Variants in KCNIP4 observed in about 807,000 individuals in gnomAD.
The protein encoded by KCNIP4 is potassium voltage-gated channel interacting protein 4.
Under a neutral mutation model 34.0 loss-of-function variants are expected in KCNIP4, and 12 were observed. The observed-to-expected ratio is 0.35, with a 90% CI of 0.23 to 0.57. The LOEUF (loss-of-function observed/expected upper bound fraction) is 0.57. KCNIP4 is among the 20% of genes least tolerant of loss of function. The pLI is 0.83. For missense variants in KCNIP4, 238 were observed against 311.7 expected (o/e 0.76, Z 1.78); for synonymous variants, 124 against 102.2 (o/e 1.21, Z -1.29).
At chr4:21,708,041 T>A (rs2109072254) in intron 1 of KCNIP4, among the ~76,000 whole-genome samples, 1 of 152,006 alleles carries the variant, frequency 6.6e-6, no homozygotes, top group South Asian at 2.1e-4. Context: ...CTTTGGTGGG[T>A]CATTTAGAAT....
chr4:21,447,763 C>T (rs923244719), intron 1 of KCNIP4, among the ~76,000 whole-genome samples: 1 of 151,972 alleles, frequency 6.6e-6, no homozygotes, highest in Admixed American at 6.6e-5. Context: ...TGTACTCACC[C>T]TTTTTTTCTT....
At chr4:20,917,344 G>T (rs374605968) in intron 1 of KCNIP4, among the ~76,000 whole-genome samples, 1 of 151,420 alleles carries the variant, frequency 6.6e-6, no homozygotes, top group South Asian at 2.1e-4. Flanking sequence ...TATATTTTTT[G>T]AATGACTCTT....
chr4:20,808,152 C>T (rs905854473), intron 3 of KCNIP4, among the ~76,000 whole-genome samples: 16 of 152,006 alleles, frequency 1.1e-4, no homozygotes, highest in Non-Finnish European at 2.2e-4. Context: ...GAGTAGATAC[C>T]CTGCTACACA....
intron 1 of KCNIP4, among the ~76,000 whole-genome samples, chr4:20,884,175 A>C (rs1230681344): frequency 1.3e-5 from 2 of 152,232 alleles, no homozygotes; most frequent in Admixed American, 1.3e-4. Flanking sequence ...TATCTAAAGA[A>C]GACTTGATTC....
chr4:21,729,143 T>C (rs1364524967), intron 1 of KCNIP4, among the ~76,000 whole-genome samples: 1 of 152,086 alleles, frequency 6.6e-6, no homozygotes, highest in Non-Finnish European at 1.5e-5. Context: ...TTCTACAGGG[T>C]TTTCCCTACC....
Position 20,833,769 on chromosome 4 carries a change from A to G in KCNIP4, c.288+16774T>C, listed in dbSNP as rs145962306. On this transcript the variant is annotated intron_variant, in intron 3 of 8. Transcript: ENST00000382152. ...TTAATACACTCATAAATGTCCTTCA[A>G]AAATGTTTCTAAGGGCCCTGCAGAC... Among the ~76,000 whole-genome samples, 7 of 152,324 alleles carry G rather than the reference A, an allele frequency of 4.6e-5. No homozygotes were observed. The East Asian group carries it at 1.4e-3, about 29-fold the overall frequency.
intron 1 of KCNIP4, among the ~76,000 whole-genome samples, chr4:21,107,921 A>G (rs6835754): frequency 1 from 150,550 of 151,296 alleles, 74,927 homozygotes; most frequent in East Asian, 1. Flanking sequence ...AATGTTGAAT[A>G]TTGCCCCCCA....
intron 1 of KCNIP4, among the ~76,000 whole-genome samples, chr4:21,037,361 C>T (rs538805050): frequency 6.6e-6 from 1 of 152,240 alleles, no homozygotes; most frequent in African/African-American, 2.4e-5. Context: ...TAGTAAGTGC[C>T]CTGCATAGGT....
intron 1 of KCNIP4, among the ~76,000 whole-genome samples, chr4:21,281,148 G>A (rs1007124901): frequency 2.7e-5 from 4 of 147,904 alleles, no homozygotes; most frequent in African/African-American, 7.6e-5. Flanking sequence ...GTGCAGTGGC[G>A]CGATCTTGGC....
At chr4:21,215,779 A>C (rs1314087054) in intron 1 of KCNIP4, among the ~76,000 whole-genome samples, 1 of 152,146 alleles carries the variant, frequency 6.6e-6, no homozygotes, top group Non-Finnish European at 1.5e-5. Flanking sequence ...TAAAGGTTAA[A>C]GTCTATGACC....
chr4:21,111,401 A>G (rs920170556), intron 1 of KCNIP4, among the ~76,000 whole-genome samples: 1 of 152,232 alleles, frequency 6.6e-6, no homozygotes, highest in African/African-American at 2.4e-5. Context: ...AGTAGGAAGT[A>G]AGGGAGCAAT....
At chr4:21,303,993 A>G in intron 1 of KCNIP4, 1 of 1,443,968 alleles carries the variant, frequency 6.9e-7, no homozygotes, top group Non-Finnish European at 9.2e-7. Flanking sequence ...CTACATTAAG[A>G]AGGCTACTGC....
intron 1 of KCNIP4, among the ~76,000 whole-genome samples, chr4:21,353,629 C>A (rs984241404): frequency 6.6e-6 from 1 of 152,042 alleles, no homozygotes; most frequent in Non-Finnish European, 1.5e-5. Flanking sequence ...ACAAAGCCTC[C>A]AAGAAATATG....
At chr4:21,872,808 G>C (rs1295630145) in intron 1 of KCNIP4, among the ~76,000 whole-genome samples, 2 of 152,166 alleles carry the variant, frequency 1.3e-5, no homozygotes, top group African/African-American at 4.8e-5. Context: ...AGGTTGTAAA[G>C]CTTCATTATT....
At chr4:21,772,563 A>C (rs1474525647) in intron 1 of KCNIP4, among the ~76,000 whole-genome samples, 1 of 151,902 alleles carries the variant, frequency 6.6e-6, no homozygotes, top group East Asian at 1.9e-4. Flanking sequence ...CTGGGCTTTT[A>C]TTTGGTTGGT....
intron 1 of KCNIP4, among the ~76,000 whole-genome samples, chr4:21,871,105 G>GTT (rs761518398): frequency 1.4e-5 from 2 of 144,972 alleles, no homozygotes; most frequent in Non-Finnish European, 3.0e-5. Context: ...CAAGAGCCCA[G>GTT]TTTTTTTTTT....
chr4:21,278,375 C>G (rs755274247), intron 1 of KCNIP4, among the ~76,000 whole-genome samples: 2 of 152,036 alleles, frequency 1.3e-5, no homozygotes, highest in Non-Finnish European at 2.9e-5. Context: ...CCAGTAGGCC[C>G]CAGTGTCTAT....
At chr4:21,693,021 G>A (rs1418407288) in intron 1 of KCNIP4, among the ~76,000 whole-genome samples, 3 of 151,792 alleles carry the variant, frequency 2.0e-5, no homozygotes, top group Non-Finnish European at 4.4e-5. Flanking sequence ...TCATCTCCAG[G>A]GAGAAAGAAG....
At chr4:21,416,623 G>T (rs773048270) in intron 1 of KCNIP4, among the ~76,000 whole-genome samples, 10 of 152,172 alleles carry the variant, frequency 6.6e-5, no homozygotes, top group Non-Finnish European at 2.9e-5. Flanking sequence ...AATGAAATGA[G>T]AATTAAACAC....
Sources: gnomAD v4.1 joint callset for allele counts (sites outside exome capture counted in the v4.1 genomes callset) on GRCh38, gnomAD v4.1.1 for gene constraint, MANE v1.5 for transcripts, NCBI Gene and HGNC (gene_info 2026-07-23, HGNC 2026-07-21) for gene names.